CALN1: variants seen among roughly 807,000 people sequenced by gnomAD.
CALN1 encodes calneuron 1.
CALN1 carries 17 observed loss-of-function variants against 30.6 expected under a neutral mutation model. The observed-to-expected ratio is 0.56, with a 90% CI of 0.38 to 0.83. The LOEUF (loss-of-function observed/expected upper bound fraction) is 0.83. Among genes scored for constraint, CALN1 ranks in the 40% least tolerant of loss-of-function variants. The pLI is 0.00. For synonymous variants in CALN1, 156 were observed against 131.4 expected, an observed-to-expected ratio of 1.19 and a Z score of -1.28; for missense variants, 291 against 354.9, an observed-to-expected ratio of 0.82 and a Z score of 1.45.
At chr7:72,394,233 C>G (rs1010482371) in intron 2 of CALN1, among the ~76,000 whole-genome samples, 3 of 152,162 alleles carry the variant, frequency 2.0e-5, no homozygotes, top group Non-Finnish European at 4.4e-5. Context: ...ACCTCCTTCC[C>G]CTCCACTCTG....
Position 72,427,553 on chromosome 7 carries a change from GTCTTGC to G in CALN1, c.-225-15284_-225-15279del, listed in dbSNP as rs532950683. On this transcript the variant is annotated intron_variant, in intron 1 of 6. Coordinates refer to the CALN1 transcript ENST00000395276. ...TTTTGTTTTCTTCTTTAGAAACAGG[GTCTTGC>G]TCTGTCATCCAGGCTGAAGTACAGT... is the stretch of plus-strand genomic sequence containing the variant. Among the ~76,000 whole-genome samples, 5 of 152,238 alleles carry G rather than the reference GTCTTGC, an allele frequency of 3.3e-5. No individual in the cohort carries two copies. In the East Asian group the frequency reaches 9.6e-4, roughly 29 times the overall value.
intron 3 of CALN1, among the ~76,000 whole-genome samples, chr7:72,223,879 T>C (rs1275180582): frequency 1.3e-5 from 2 of 152,194 alleles, no homozygotes; most frequent in Non-Finnish European, 2.9e-5. Context: ...GCTATCATCC[T>C]AAGCAAGTTG....
At chr7:71,897,509 A>T (rs1258322308) in intron 5 of CALN1, among the ~76,000 whole-genome samples, 1 of 152,160 alleles carries the variant, frequency 6.6e-6, no homozygotes, top group Non-Finnish European at 1.5e-5. Context: ...GAAAACAAAA[A>T]TTTCACCTTG....
intron 3 of CALN1, among the ~76,000 whole-genome samples, chr7:72,236,983 T>C (rs1794512310): frequency 6.6e-6 from 1 of 151,336 alleles, no homozygotes; most frequent in Non-Finnish European, 1.5e-5. Context: ...TTTTTTTCTA[T>C]TTTTATTTTT....
At chr7:71,988,437 A>G (rs1224300578) in intron 5 of CALN1, among the ~76,000 whole-genome samples, 4 of 152,136 alleles carry the variant, frequency 2.6e-5, no homozygotes, top group African/African-American at 9.7e-5. Flanking sequence ...AGGAAGGCAT[A>G]GCCGGTGCCC....
At chr7:72,152,960 T>C (rs1203870924) in intron 3 of CALN1, among the ~76,000 whole-genome samples, 3 of 152,210 alleles carry the variant, frequency 2.0e-5, no homozygotes, top group Non-Finnish European at 2.9e-5. Context: ...CAAAGCTGTT[T>C]TGTCAGTATC....
At chr7:72,212,242 G>A (rs938834153) in intron 3 of CALN1, among the ~76,000 whole-genome samples, 3 of 151,476 alleles carry the variant, frequency 2.0e-5, no homozygotes, top group African/African-American at 4.9e-5. Context: ...CCAGCTACTC[G>A]GGAGGCTGAG....
intron 5 of CALN1, among the ~76,000 whole-genome samples, chr7:71,854,172 C>T (rs965789027): frequency 6.6e-6 from 1 of 151,884 alleles, no homozygotes; most frequent in African/African-American, 2.4e-5. Context: ...AGAAAACACC[C>T]CAAACCATTG....
At chr7:72,162,382 G>A (rs1362423989) in intron 3 of CALN1, among the ~76,000 whole-genome samples, 2 of 151,986 alleles carry the variant, frequency 1.3e-5, no homozygotes, top group African/African-American at 4.8e-5. Flanking sequence ...GGCATAGGAT[G>A]GTGGCCAAAA....
At chr7:72,392,893 G>C (rs138786067) in intron 2 of CALN1, among the ~76,000 whole-genome samples, 1 of 151,944 alleles carries the variant, frequency 6.6e-6, no homozygotes, top group East Asian at 1.9e-4. Context: ...CAGCTACTTC[G>C]GAGGCTGAGG....
intron 2 of CALN1, among the ~76,000 whole-genome samples, chr7:72,314,225 C>T (rs1026125064): frequency 6.8e-4 from 104 of 152,118 alleles, no homozygotes; most frequent in African/African-American, 2.1e-3. Context: ...GCTGAGCCTA[C>T]GCCTGATTCC....
intron 3 of CALN1, among the ~76,000 whole-genome samples, chr7:72,215,454 T>G (rs1466423774): frequency 6.6e-6 from 1 of 151,666 alleles, no homozygotes; most frequent in East Asian, 1.9e-4. Flanking sequence ...ATTAGCCAGG[T>G]ATGGTGGCGC....
At chr7:71,905,743 T>C (rs983838826) in intron 5 of CALN1, among the ~76,000 whole-genome samples, 1 of 151,834 alleles carries the variant, frequency 6.6e-6, no homozygotes, top group Non-Finnish European at 1.5e-5. Context: ...AAGTGAAAAA[T>C]GCATCATTAT....
At chr7:72,413,344 TACATTTACATACACTCATCCACACAC>T (rs1807301296), upstream of CALN1, among the ~76,000 whole-genome samples, 1 of 150,686 alleles carries the variant, frequency 6.6e-6, no homozygotes, top group Admixed American at 6.6e-5. Context: ...CATCCACACA[TACATTTACATACACTCATCCACACAC>T]ACCCACGAAC....
chr7:72,410,239 A>T (rs979922330), intron 1 of CALN1, among the ~76,000 whole-genome samples: 1 of 152,198 alleles, frequency 6.6e-6, no homozygotes, highest in Non-Finnish European at 1.5e-5. Context: ...AAATCTACTT[A>T]ACTGCTTATG....
intron 3 of CALN1, among the ~76,000 whole-genome samples, chr7:72,212,921 CT>C (rs2129548352): frequency 6.6e-6 from 1 of 152,338 alleles, no homozygotes; most frequent in East Asian, 1.9e-4. Flanking sequence ...TGTGGGCCAC[CT>C]TCCACATGGA....
At chr7:71,930,082 G>A (rs1795470165) in intron 5 of CALN1, among the ~76,000 whole-genome samples, 1 of 152,160 alleles carries the variant, frequency 6.6e-6, no homozygotes. Context: ...TATGTAAATA[G>A]TTGTTATATT....
chr7:72,107,555 T>G (rs539586687), intron 3 of CALN1, among the ~76,000 whole-genome samples: 1 of 152,238 alleles, frequency 6.6e-6, no homozygotes, highest in East Asian at 1.9e-4. Flanking sequence ...AGTCCCCTTC[T>G]CCAGAGCCAC....
intron 4 of CALN1, among the ~76,000 whole-genome samples, chr7:72,064,657 A>G (rs1320035266): frequency 6.6e-6 from 1 of 152,226 alleles, no homozygotes; most frequent in Non-Finnish European, 1.5e-5. Context: ...ACTCAAGGTC[A>G]TCTCTTTCAT....
Sources: allele counts gnomAD v4.1 joint callset (sites outside exome capture counted in the v4.1 genomes callset), GRCh38; gene constraint gnomAD v4.1.1; transcripts MANE v1.5; gene names NCBI Gene and HGNC (gene_info 2026-07-23, HGNC 2026-07-21).